The following PDCD6 variants were observed in gnomAD, a reference collection of about 807,000 sequenced individuals.
The protein encoded by PDCD6 is programmed cell death 6, also known as programmed cell death protein 6.
Under a neutral mutation model 28.3 loss-of-function variants are expected in PDCD6, and 12 were observed. The observed-to-expected ratio is 0.42, with a 90% CI of 0.27 to 0.69. The LOEUF is 0.69. Among genes scored for constraint, PDCD6 ranks in the 30% least tolerant of loss-of-function variants. The probability of loss-of-function intolerance (pLI) is 0.22; values close to 1 mark genes in which losing one functional copy is unlikely to be tolerated. For missense variants in PDCD6, 226 were observed against 269.9 expected (o/e 0.84, Z 1.14); for synonymous variants, 92 against 108.0 (o/e 0.85, Z 0.92).
chr5:279,205 C>CG (rs56317962), intron 2 of PDCD6, among the ~76,000 whole-genome samples: 34,980 of 151,778 alleles, frequency 0.23, 6,118 homozygotes, highest in African/African-American at 0.49. Flanking sequence ...TCATTCCCCC[C>CG]TAAGAGTATG....
chr5:288,051 T>C (rs899685830), intron 2 of PDCD6, among the ~76,000 whole-genome samples: 1 of 152,104 alleles, frequency 6.6e-6, no homozygotes, highest in Non-Finnish European at 1.5e-5. Context: ...ACCTCAGAAG[T>C]ATACAAAAGA....
At chr5:276,122 G>C (rs1738183199) in intron 2 of PDCD6, 1 of 958,050 alleles carries the variant, frequency 1.0e-6, no homozygotes, top group Admixed American at 2.5e-5. Flanking sequence ...CCAGCTACTT[G>C]GGAGGCTGAG....
At chr5:298,726 A>ACCCAGCTGCTCC (rs1739785132) in intron 2 of PDCD6, among the ~76,000 whole-genome samples, 1 of 8,686 alleles carries the variant, frequency 1.2e-4, no homozygotes, top group African/African-American at 3.2e-4. Context: ...AGCTGCTCCC[A>ACCCAGCTGCTCC]CCCAGCTGCT....
intron 2 of PDCD6, among the ~76,000 whole-genome samples, chr5:285,202 G>A (rs185987518): frequency 4.0e-4 from 59 of 148,712 alleles, no homozygotes; most frequent in Admixed American, 8.7e-4. Context: ...GGGAGCAGAC[G>A]TTCTAGTTTT....
At chr5:296,687 G>A (rs1168231883) in intron 2 of PDCD6, among the ~76,000 whole-genome samples, 1 of 152,246 alleles carries the variant, frequency 6.6e-6, no homozygotes, top group African/African-American at 2.4e-5. Context: ...GTGGATAATT[G>A]CAGGCAAGGC....
In PDCD6 at chr5:271,751, GGGGCCGGCCC is replaced by G; in HGVS notation, c.32_41del (p.Gly11ValfsTer29). 1 of 1,180,868 alleles carries G rather than the reference GGGGCCGGCCC, an allele frequency of 8.5e-7. No individual in the cohort carries two copies. Among genetic ancestry groups the G allele is most frequent in the Non-Finnish European group, 1.1e-6 (1 of 874,336 alleles). The allele number at this position is 1,180,868 out of a possible 1,614,324, so 73.1% of individuals were successfully genotyped here. A position where few individuals can be genotyped will look rare whatever the true frequency, so the allele number is the denominator to read the frequency against. On this transcript the variant is annotated frameshift_variant, in exon 1 of 6. Transcript: ENST00000264933. ...CGCCTACTCTTACCGCCCCGGCCCT[GGGGCCGGCCC>G]TGGGCCTGCTGCAGGCGCGGCGCTG...
intron 4 of PDCD6, chr5:309,629 G>A (rs1445187975): frequency 1.3e-4 from 24 of 181,488 alleles, no homozygotes; most frequent in Admixed American, 8.1e-5. Context: ...CGCCGTCCCC[G>A]TGCACACCAG....
At chr5:277,959 A>G (rs1443244234) in intron 2 of PDCD6, among the ~76,000 whole-genome samples, 1 of 151,692 alleles carries the variant, frequency 6.6e-6, no homozygotes, top group Non-Finnish European at 1.5e-5. Context: ...TTAGGTGTTA[A>G]CAAAATCCAG....
intron 2 of PDCD6, among the ~76,000 whole-genome samples, chr5:275,793 G>T (rs531768927): frequency 6.6e-6 from 1 of 152,296 alleles, no homozygotes; most frequent in Non-Finnish European, 1.5e-5. Flanking sequence ...GCAGGGCTGC[G>T]ATTTGAAGCC....
At chr5:285,994 A>C (rs10045536) in intron 2 of PDCD6, among the ~76,000 whole-genome samples, 3 of 147,316 alleles carry the variant, frequency 2.0e-5, no homozygotes, top group South Asian at 2.2e-4. Flanking sequence ...CTGGAGACCC[A>C]GGTGGGAGCT....
intron 2 of PDCD6, among the ~76,000 whole-genome samples, chr5:286,107 T>G (rs1738943851): frequency 6.8e-6 from 1 of 148,148 alleles, no homozygotes; most frequent in Non-Finnish European, 1.5e-5. Context: ...GGGGAGCTGA[T>G]GTTCTCCTTT....
chr5:312,861 G>A lies in PDCD6; in HGVS notation c.477+1459G>A, dbSNP rs556150640. 1.0e-4 allele frequency among the ~76,000 whole-genome samples: 11 copies of A among 108,924 alleles called. No individual in the cohort carries two copies. In the African/African-American group the frequency reaches 1.0e-3, roughly 10 times the overall value. 71.5% of individuals were successfully genotyped at this position (108,924 alleles called of 152,430 possible). On this transcript the variant is annotated intron_variant, in intron 5 of 5. Coordinates refer to ENST00000264933, the MANE Select transcript of PDCD6 (RefSeq NM_013232.4). ...AAGATGCCGTGTAAAATCTCGTTCT[G>A]TGTCTGAATTGCCGTAGGGCTCAGA...
intron 2 of PDCD6, among the ~76,000 whole-genome samples, chr5:287,761 C>T (rs1739062504): frequency 1.3e-5 from 2 of 152,168 alleles, no homozygotes; most frequent in African/African-American, 4.8e-5. Flanking sequence ...AAGCTTCAGT[C>T]ATTTAGCTCA....
At chr5:297,055 C>T (rs191757718) in intron 2 of PDCD6, among the ~76,000 whole-genome samples, 11 of 152,342 alleles carry the variant, frequency 7.2e-5, no homozygotes, top group South Asian at 4.1e-4. Flanking sequence ...GTGCTCGGCG[C>T]TGGAGGCTCA....
chr5:275,635 A>T (rs1579475104), intron 2 of PDCD6, among the ~76,000 whole-genome samples: 1 of 152,182 alleles, frequency 6.6e-6, no homozygotes, highest in South Asian at 2.1e-4. Context: ...ATTTTGCTGT[A>T]CCGTGAGTGT....
intron 2 of PDCD6, among the ~76,000 whole-genome samples, chr5:274,350 GTGGTCAAATACTGGACCGCAT>G (rs1343261940): frequency 1.3e-5 from 2 of 152,224 alleles, no homozygotes; most frequent in Non-Finnish European, 2.9e-5. Context: ...AATAGGAGTG[GTGGTCAAATACTGGACCGCAT>G]TAGTATGGTA....
chr5:314,273 C>A (rs1367198890), intron 5 of PDCD6, 144 bp from the exon 6 acceptor site: 1 of 619,856 alleles, frequency 1.6e-6, no homozygotes, highest in Non-Finnish European at 2.9e-6. Flanking sequence ...GCTCCAGCCC[C>A]ACCTGCGCCT....
At chr5:300,109 C>A (rs1028135662) in intron 2 of PDCD6, among the ~76,000 whole-genome samples, 1 of 152,202 alleles carries the variant, frequency 6.6e-6, no homozygotes, top group East Asian at 1.9e-4. Flanking sequence ...AAACCCTGCA[C>A]GTTCCCAGGA....
intron 2 of PDCD6, among the ~76,000 whole-genome samples, chr5:294,823 C>T (rs188535655): frequency 3.4e-5 from 5 of 147,622 alleles, no homozygotes; most frequent in Non-Finnish European, 7.5e-5. Context: ...GGAACCAACG[C>T]GGATGCTTCC....
Sources: allele counts gnomAD v4.1 joint callset (sites outside exome capture counted in the v4.1 genomes callset), GRCh38; gene constraint gnomAD v4.1.1; transcripts MANE v1.5; gene names NCBI Gene and HGNC (gene_info 2026-07-23, HGNC 2026-07-21).